NEGR1: variants seen among roughly 807,000 people sequenced by gnomAD.
The protein encoded by NEGR1 is IgLON family member 4.
In NEGR1, 10 loss-of-function variants were observed where a neutral mutation model predicts 40.9. That is an observed-to-expected ratio of 0.24 (90% CI 0.15 to 0.42). NEGR1 has a LOEUF of 0.42. Ranked by LOEUF, NEGR1 falls within the 10% of genes least tolerant of loss-of-function variation. NEGR1 has a pLI of 1.00. For synonymous variants in NEGR1, 185 were observed against 166.8 expected (o/e 1.11, Z -0.84); for missense variants, 352 against 438.9 (o/e 0.80, Z 1.77).
chr1:71,456,399 C>T (rs1316587394), intron 6 of NEGR1, among the ~76,000 whole-genome samples: 2 of 152,182 alleles, frequency 1.3e-5, no homozygotes, highest in Admixed American at 6.5e-5. Flanking sequence ...TGAACCATCA[C>T]ACCTGGCCTC....
At chr1:71,625,432 G>A (rs1650742290) in intron 4 of NEGR1, among the ~76,000 whole-genome samples, 1 of 151,828 alleles carries the variant, frequency 6.6e-6, no homozygotes, top group Non-Finnish European at 1.5e-5. Flanking sequence ...ACAATACAGT[G>A]TAACAGCTAT....
intron 6 of NEGR1, among the ~76,000 whole-genome samples, chr1:71,587,203 C>G (rs567084993): frequency 6.6e-6 from 1 of 152,094 alleles, no homozygotes; most frequent in Non-Finnish European, 1.5e-5. Context: ...CATGTGGGAA[C>G]ATCTGAAGCA....
At chr1:71,728,784 C>G (rs1654759530) in intron 3 of NEGR1, among the ~76,000 whole-genome samples, 1 of 152,062 alleles carries the variant, frequency 6.6e-6, no homozygotes, top group Admixed American at 6.6e-5. Flanking sequence ...AAGGTATGTG[C>G]TCATTAGCGT....
At chr1:71,513,867 G>A (rs1458239406) in intron 6 of NEGR1, among the ~76,000 whole-genome samples, 3 of 149,156 alleles carry the variant, frequency 2.0e-5, no homozygotes, top group Admixed American at 1.3e-4. Flanking sequence ...GTGTGTGTGC[G>A]CACCGTGCGC....
chr1:72,002,904 C>T (rs1343136364), intron 1 of NEGR1, among the ~76,000 whole-genome samples: 4 of 152,024 alleles, frequency 2.6e-5, no homozygotes, highest in East Asian at 1.9e-4. Context: ...AAATAATTGC[C>T]GCTAATGGGT....
chr1:71,642,319 A>G (rs1651379979), intron 4 of NEGR1, among the ~76,000 whole-genome samples: 1 of 151,918 alleles, frequency 6.6e-6, no homozygotes, highest in African/African-American at 2.4e-5. Context: ...TAAAGCTGAT[A>G]ATGTTAGAAA....
chr1:72,248,006 C>T (rs926077554), intron 1 of NEGR1, among the ~76,000 whole-genome samples: 3 of 151,938 alleles, frequency 2.0e-5, no homozygotes, highest in African/African-American at 7.2e-5. Context: ...CGAGAGTGTG[C>T]GTCGGCAGGG....
chr1:72,118,428 A>G (rs1649663601), intron 1 of NEGR1, among the ~76,000 whole-genome samples: 1 of 151,770 alleles, frequency 6.6e-6, no homozygotes, highest in African/African-American at 2.4e-5. Context: ...ACTGAGTTAA[A>G]TGGGAGGACA....
chr1:71,880,848 G>A (rs952335310), intron 2 of NEGR1, among the ~76,000 whole-genome samples: 2 of 151,934 alleles, frequency 1.3e-5, no homozygotes, highest in Non-Finnish European at 2.9e-5. Flanking sequence ...ATATACAGGG[G>A]ATAGGAGGTT....
At chr1:71,435,405 C>T (rs868057735) in intron 6 of NEGR1, among the ~76,000 whole-genome samples, 12 of 151,984 alleles carry the variant, frequency 7.9e-5, no homozygotes, top group Admixed American at 2.6e-4. Flanking sequence ...GCCAAGATAA[C>T]GAGAGAAACA....
intron 1 of NEGR1, among the ~76,000 whole-genome samples, chr1:72,023,386 C>T (rs1403762916): frequency 6.6e-6 from 1 of 151,854 alleles, no homozygotes; most frequent in African/African-American, 2.4e-5. Flanking sequence ...TAAGTGTTTA[C>T]AGTTTCTCCC....
intron 2 of NEGR1, among the ~76,000 whole-genome samples, chr1:71,924,834 G>C (rs1645757418): frequency 6.6e-6 from 1 of 151,800 alleles, no homozygotes; most frequent in African/African-American, 2.4e-5. Context: ...AGAATAAGAA[G>C]GTTTTGGCCT....
At chr1:71,986,339 T>A (rs534016254) in intron 1 of NEGR1, among the ~76,000 whole-genome samples, 2 of 152,208 alleles carry the variant, frequency 1.3e-5, no homozygotes, top group Admixed American at 1.3e-4. Flanking sequence ...GAAACATTTG[T>A]CTTGGCTGAG....
chr1:71,788,218 A>G (rs1656982037), intron 2 of NEGR1, among the ~76,000 whole-genome samples: 1 of 152,154 alleles, frequency 6.6e-6, no homozygotes, highest in African/African-American at 2.4e-5. Flanking sequence ...GCCAAGAGAT[A>G]GCAGAGTCCT....
chr1:72,178,026 C>A (rs1652239057), intron 1 of NEGR1, among the ~76,000 whole-genome samples: 1 of 151,970 alleles, frequency 6.6e-6, no homozygotes, highest in East Asian at 1.9e-4. Flanking sequence ...TAACCTAGTT[C>A]TCAGATGTCT....
At chr1:71,511,149 T>C (rs919127724) in intron 6 of NEGR1, among the ~76,000 whole-genome samples, 1 of 152,192 alleles carries the variant, frequency 6.6e-6, no homozygotes, top group Admixed American at 6.5e-5. Context: ...TTCAGCTATT[T>C]TAACCGCAGT....
Position 72,090,722 on chromosome 1 carries a change from C to G in NEGR1, c.177-155411G>C, listed in dbSNP as rs534165119. 8.6e-5 allele frequency among the ~76,000 whole-genome samples: 13 copies of G among 152,030 alleles called. No homozygotes were observed. The South Asian group carries it at 2.7e-3, about 32-fold the overall frequency. ...ATGAAAATTAAAACGAGCACAGTCT[C>G]GGCAGGCGTTAGGCCTACTCACATG... On this transcript the variant is annotated intron_variant, in intron 1 of 6. Coordinates refer to ENST00000357731, the MANE Select transcript of NEGR1 (RefSeq NM_173808.3).
chr1:71,908,187 A>C (rs1661329954), intron 2 of NEGR1, among the ~76,000 whole-genome samples: 1 of 151,494 alleles, frequency 6.6e-6, no homozygotes, highest in Non-Finnish European at 1.5e-5. Context: ...AAATGATATA[A>C]AATAGAACCA....
At chr1:71,543,105 AT>A (rs1267726939) in intron 6 of NEGR1, among the ~76,000 whole-genome samples, 4 of 151,690 alleles carry the variant, frequency 2.6e-5, no homozygotes, top group Non-Finnish European at 5.9e-5. Flanking sequence ...CTGTTTTACT[AT>A]TTTATTCTCA....
Sources: allele counts gnomAD v4.1 joint callset (sites outside exome capture counted in the v4.1 genomes callset), GRCh38; gene constraint gnomAD v4.1.1; transcripts MANE v1.5; gene names NCBI Gene and HGNC (gene_info 2026-07-23, HGNC 2026-07-21).